The following CAMKMT variants were observed in gnomAD, a reference collection of about 807,000 sequenced individuals.
CAMKMT encodes CaM KMT.
Under a neutral mutation model 48.0 loss-of-function variants are expected in CAMKMT, and 53 were observed. That is an observed-to-expected ratio of 1.10 (90% CI 0.89 to 1.39). The LOEUF is 1.39. Among genes scored for constraint, CAMKMT ranks in the 40% most tolerant of loss-of-function variants. The probability of loss-of-function intolerance (pLI) is 0.00; values close to 1 mark genes in which losing one functional copy is unlikely to be tolerated. For synonymous variants in CAMKMT, 165 were observed against 152.3 expected (o/e 1.08, Z -0.61); for missense variants, 428 against 402.7 (o/e 1.06, Z -0.54).
intron 9 of CAMKMT, among the ~76,000 whole-genome samples, chr2:44,759,129 A>G (rs993665700): frequency 2.0e-5 from 3 of 152,190 alleles, no homozygotes; most frequent in Admixed American, 6.5e-5. Flanking sequence ...TATAAAAGCA[A>G]TTTTTTGGGG....
chr2:44,739,240 G>A (rs1382685964), intron 7 of CAMKMT, among the ~76,000 whole-genome samples: 1 of 152,206 alleles, frequency 6.6e-6, no homozygotes, highest in East Asian at 1.9e-4. Flanking sequence ...CAATTAGGGA[G>A]CTATGAAATA....
At chr2:44,602,293 A>G (rs2103861363) in intron 3 of CAMKMT, among the ~76,000 whole-genome samples, 1 of 152,178 alleles carries the variant, frequency 6.6e-6, no homozygotes, top group Non-Finnish European at 1.5e-5. Context: ...CTGCTTTTAG[A>G]AAATTTATTA....
rs531015115 is a variant in CAMKMT at position 44,498,941 on chromosome 2, A to G, written c.376+108636A>G. Among the ~76,000 whole-genome samples the G allele has an allele frequency of 3.9e-5, 6 of 152,288 alleles. No individual in the cohort carries two copies. The South Asian group carries it at 1.0e-3, about 26-fold the overall frequency. On this transcript the variant is annotated intron_variant, in intron 3 of 10. Transcript: ENST00000378494. ...GGGGTTGGGGGAGGGATTTCTCTCA[A>G]GTATATAAACAGATATCTCCCATTT...
intron 3 of CAMKMT, among the ~76,000 whole-genome samples, chr2:44,396,462 G>T (rs1681851594): frequency 6.6e-6 from 1 of 152,018 alleles, no homozygotes; most frequent in African/African-American, 2.4e-5. Flanking sequence ...TTAAGAAGAG[G>T]TATTTCACAA....
At position 44,722,391 on chromosome 2, in the gene CAMKMT, T is replaced by G. The variant is rs1346572304; in HGVS notation, c.623+7038T>G. Among the ~76,000 whole-genome samples the G allele has an allele frequency of 3.9e-5, 6 of 152,146 alleles. No individual in the cohort carries two copies. The East Asian group carries it at 1.2e-3, about 29-fold the overall frequency. On this transcript the variant is annotated intron_variant, in intron 7 of 10. Coordinates refer to ENST00000378494, the MANE Select transcript of CAMKMT (RefSeq NM_024766.5). ...GTTTTCTGAGCTGCTTGCTTAGATA[T>G]TCATCAGTAAAATTGGTCCAGAATT...
intron 3 of CAMKMT, among the ~76,000 whole-genome samples, chr2:44,620,689 C>A (rs7593487): frequency 0.57 from 86,967 of 152,030 alleles, 25,542 homozygotes; most frequent in Admixed American, 0.67. Context: ...AGTTATTTCA[C>A]ACTTCTTCCT....
chr2:44,478,597 T>C (rs530942825), intron 3 of CAMKMT, among the ~76,000 whole-genome samples: 2 of 152,162 alleles, frequency 1.3e-5, no homozygotes, highest in Non-Finnish European at 2.9e-5. Context: ...AATAAAGGCA[T>C]TAGTTATTTT....
At chr2:44,450,001 G>A (rs1485506679) in intron 3 of CAMKMT, among the ~76,000 whole-genome samples, 1 of 152,166 alleles carries the variant, frequency 6.6e-6, no homozygotes, top group Non-Finnish European at 1.5e-5. Flanking sequence ...AGATGCTCAA[G>A]TGACTTGAAT....
At chr2:44,527,657 A>C (rs112914863) in intron 3 of CAMKMT, among the ~76,000 whole-genome samples, 1 of 151,708 alleles carries the variant, frequency 6.6e-6, no homozygotes, top group Non-Finnish European at 1.5e-5. Context: ...CAACATGTTC[A>C]TGAGTGTTTT....
chr2:44,699,854 G>T (rs1677166654), intron 3 of CAMKMT, among the ~76,000 whole-genome samples: 1 of 152,138 alleles, frequency 6.6e-6, no homozygotes, highest in South Asian at 2.1e-4. Context: ...AGCCGCACTA[G>T]CCCCTAACAA....
chr2:44,750,392 G>A (rs924800576), intron 8 of CAMKMT, among the ~76,000 whole-genome samples: 2 of 152,130 alleles, frequency 1.3e-5, no homozygotes, highest in East Asian at 3.9e-4. Context: ...CCTGACCTCA[G>A]ATGATCCACC....
At chr2:44,460,470 CT>C (rs1407546648) in intron 3 of CAMKMT, among the ~76,000 whole-genome samples, 1 of 152,032 alleles carries the variant, frequency 6.6e-6, no homozygotes, top group Non-Finnish European at 1.5e-5. Flanking sequence ...AAGTTCTATA[CT>C]TTTACTTGAG....
intron 3 of CAMKMT, among the ~76,000 whole-genome samples, chr2:44,681,877 G>A (rs544415534): frequency 1.3e-4 from 20 of 152,178 alleles, no homozygotes; most frequent in Admixed American, 1.1e-3. Flanking sequence ...CGTGGGAAAC[G>A]GACACAATAT....
chr2:44,733,584 T>C (rs1244534190), intron 7 of CAMKMT, among the ~76,000 whole-genome samples: 2 of 152,204 alleles, frequency 1.3e-5, no homozygotes, highest in Admixed American at 1.3e-4. Flanking sequence ...TTTTCATAGA[T>C]GACCTTTTTC....
intron 3 of CAMKMT, among the ~76,000 whole-genome samples, chr2:44,514,344 G>A (rs1217123496): frequency 6.6e-6 from 1 of 151,902 alleles, no homozygotes; most frequent in African/African-American, 2.4e-5. Context: ...AGATAGAGAG[G>A]CTGATAAAGA....
intron 3 of CAMKMT, among the ~76,000 whole-genome samples, chr2:44,434,348 G>T (rs187767243): frequency 6.6e-6 from 1 of 152,030 alleles, no homozygotes; most frequent in African/African-American, 2.4e-5. Context: ...TAAGTGTATT[G>T]CAAATAACAG....
intron 3 of CAMKMT, among the ~76,000 whole-genome samples, chr2:44,630,742 A>G (rs545064263): frequency 1.3e-5 from 2 of 150,784 alleles, no homozygotes; most frequent in East Asian, 3.9e-4. Flanking sequence ...AAAAGTCAGG[A>G]AACAACAGGT....
chr2:44,450,042 G>T (rs1299023169), intron 3 of CAMKMT, among the ~76,000 whole-genome samples: 2 of 152,132 alleles, frequency 1.3e-5, no homozygotes, highest in African/African-American at 4.8e-5. Flanking sequence ...AGCTTTAGGG[G>T]TGAAGTTGTG....
intron 3 of CAMKMT, among the ~76,000 whole-genome samples, chr2:44,453,282 G>A (rs1667389225): frequency 6.6e-6 from 1 of 151,966 alleles, no homozygotes; most frequent in Admixed American, 6.6e-5. Flanking sequence ...TGTTTTACCT[G>A]CTATTAATGT....
Sources: allele counts gnomAD v4.1 joint callset (sites outside exome capture counted in the v4.1 genomes callset), GRCh38; gene constraint gnomAD v4.1.1; transcripts MANE v1.5; gene names NCBI Gene and HGNC (gene_info 2026-07-23, HGNC 2026-07-21).